The following VIT variants were observed in gnomAD, a reference collection of about 807,000 sequenced individuals.
VIT encodes vitrin.
In VIT, 99 loss-of-function variants were observed where a neutral mutation model predicts 78.0. That is an observed-to-expected ratio of 1.27 (90% CI 1.08 to 1.50). The LOEUF is 1.50. VIT is among the 40% of genes most tolerant of loss of function. VIT has a pLI of 0.00. For missense variants in VIT, 1,126 were observed against 875.3 expected (o/e 1.29, Z -3.61); for synonymous variants, 374 against 334.3 (o/e 1.12, Z -1.29).
rs1328875110 is a variant in VIT, at chr2:36,726,849, C to G, written c.53-2577C>G. Among the ~76,000 whole-genome samples, 3 of 139,004 alleles carry G rather than the reference C, an allele frequency of 2.2e-5. No homozygotes were observed. In the East Asian group the frequency reaches 6.2e-4, roughly 29 times the overall value. 91.2% of individuals were successfully genotyped at this position (139,004 alleles called of 152,430 possible). A position where few individuals can be genotyped will look rare whatever the true frequency, so the allele number is the denominator to read the frequency against. ...AAAAAAAAAAAAAAAAAAAACAAAACCTCAGAAGAGAGGCTGTCTGGGAAA... is the reference window on the plus strand; with the variant it reads ...AAAAAAAAAAAAAAAAAAAACAAAAGCTCAGAAGAGAGGCTGTCTGGGAAA... On this transcript the variant is annotated intron_variant, in intron 2 of 15. Transcript: ENST00000379242.
chr2:36,713,575 A>T (rs116075740), intron 1 of VIT, among the ~76,000 whole-genome samples: 1,677 of 152,262 alleles, frequency 0.011, 35 homozygotes, highest in African/African-American at 0.039. Context: ...AGGACAAAGG[A>T]AGAAGGGAAC....
At chr2:36,800,297 A>G (rs139752627) in intron 12 of VIT, among the ~76,000 whole-genome samples, 1,975 of 152,298 alleles carry the variant, frequency 0.013, 19 homozygotes, top group Non-Finnish European at 0.018. Flanking sequence ...GTGAGCTGAG[A>G]TCGCGCCACT....
At chr2:36,795,614 C>A (rs1222596436) in intron 12 of VIT, among the ~76,000 whole-genome samples, 1 of 151,954 alleles carries the variant, frequency 6.6e-6, no homozygotes, top group South Asian at 2.1e-4. Context: ...TGGGTTTCAT[C>A]ATATTGATCA....
intron 6 of VIT, among the ~76,000 whole-genome samples, chr2:36,765,424 A>AGAGAGG (rs1274036338): frequency 1.5e-5 from 2 of 135,608 alleles, no homozygotes; most frequent in East Asian, 4.3e-4. Flanking sequence ...CGAGAGAGAG[A>AGAGAGG]GAGAGAGAGA....
chr2:36,717,332 TAATG>T, intron 2 of VIT, among the ~76,000 whole-genome samples: 1 of 132,420 alleles, frequency 7.6e-6, no homozygotes, highest in South Asian at 2.6e-4. Context: ...CACGCCTGGC[TAATG>T]TGTGTGTGTG....
At position 36,808,939 on chromosome 2, in the gene VIT, G is replaced by A. The variant is rs142509173; in HGVS notation, c.1857G>A (p.Arg619=). ...RKLMILITDG[R]SYDDVRIPAM... ...TAATGATCCTCATCACCGACGGGAG[G>A]TCCTACGACGACGTCCGGATCCCAG... The change falls in exon 15 of 16, where the codon AGG becomes AGA. Residue 619 remains arginine (R), a synonymous_variant. Coordinates refer to ENST00000379242, the MANE Select transcript of VIT (RefSeq NM_053276.4). 6 of 1,609,672 alleles carry A rather than the reference G, an allele frequency of 3.7e-6. No homozygotes were observed. The African/African-American group carries it at 4.0e-5, about 11-fold the overall frequency.
chr2:36,799,009 A>G (rs981417275), intron 12 of VIT, among the ~76,000 whole-genome samples: 1 of 152,166 alleles, frequency 6.6e-6, no homozygotes. Flanking sequence ...AGTCCCAACC[A>G]TAGAACCTGG....
intron 7 of VIT, 135 bp from the exon 8 acceptor site, chr2:36,773,656 G>A (rs940134699): frequency 1.9e-5 from 12 of 642,332 alleles, no homozygotes; most frequent in African/African-American, 7.7e-5. Context: ...GCTTGAACCC[G>A]GAGGTTGCAG....
intron 3 of VIT, among the ~76,000 whole-genome samples, chr2:36,739,747 T>C (rs1366576391): frequency 6.6e-6 from 1 of 151,758 alleles, no homozygotes; most frequent in Non-Finnish European, 1.5e-5. Flanking sequence ...AGACGGTGGG[T>C]GGGTGGGGTC....
intron 15 of VIT, among the ~76,000 whole-genome samples, chr2:36,813,339 C>T (rs905066324): frequency 3.9e-5 from 6 of 152,042 alleles, no homozygotes; most frequent in Admixed American, 2.0e-4. Context: ...ATCCTAGCTA[C>T]TCGGGAGGCT....
chr2:36,810,951 T>C (rs1055158810), intron 15 of VIT, among the ~76,000 whole-genome samples: 2 of 152,226 alleles, frequency 1.3e-5, no homozygotes, highest in Non-Finnish European at 2.9e-5. Flanking sequence ...CTACATTTAA[T>C]TTCAGTTATT....
rs145692557 is a variant in VIT, at chr2:36,814,589, G to A, written c.*228G>A. 1 of 516,114 alleles carries A rather than the reference G, an allele frequency of 1.9e-6. No homozygotes were observed. The highest frequency in any genetic ancestry group is 3.3e-6 in the Non-Finnish European group (1 of 302,086). 32.0% of individuals were successfully genotyped at this position (516,114 alleles called of 1,614,324 possible). Reference sequence around the variant, plus strand: ...AGCCAAAAGGCTACATCATGTTGAGGGTGCTGGAGATTTTACATTTTGACA... The same window carrying A: ...AGCCAAAAGGCTACATCATGTTGAGAGTGCTGGAGATTTTACATTTTGACA... On this transcript the variant is annotated 3_prime_UTR_variant, in exon 16 of 16. Coordinates refer to ENST00000379242, the MANE Select transcript of VIT (RefSeq NM_053276.4).
chr2:36,770,318 G>T (rs1341533471), intron 7 of VIT, among the ~76,000 whole-genome samples: 1 of 152,204 alleles, frequency 6.6e-6, no homozygotes, highest in Non-Finnish European at 1.5e-5. Context: ...TGAGTCATTT[G>T]TACTCCACAA....
chr2:36,738,786 T>A (rs779763344), intron 3 of VIT, among the ~76,000 whole-genome samples: 21 of 152,240 alleles, frequency 1.4e-4, no homozygotes, highest in Non-Finnish European at 2.6e-4. Flanking sequence ...TTGGCAAGTA[T>A]TGGCAAGCCT....
chr2:36,731,931 T>C (rs535447508), intron 3 of VIT, among the ~76,000 whole-genome samples: 1 of 152,374 alleles, frequency 6.6e-6, no homozygotes, highest in East Asian at 1.9e-4. Flanking sequence ...TTTTTTCTTC[T>C]GCTCTTTTAA....
At chr2:36,718,075 C>T (rs1339139774) in intron 2 of VIT, among the ~76,000 whole-genome samples, 2 of 152,162 alleles carry the variant, frequency 1.3e-5, no homozygotes, top group Non-Finnish European at 2.9e-5. Context: ...TTTATAATGA[C>T]ATCAGTCATA....
At chr2:36,699,511 G>C (rs1372680692) in intron 1 of VIT, among the ~76,000 whole-genome samples, 1 of 62,664 alleles carries the variant, frequency 1.6e-5, no homozygotes, top group Non-Finnish European at 4.0e-5. Flanking sequence ...GACAATTAGA[G>C]GGGGTTATAT....
At chr2:36,732,519 CAA>C (rs1272752250) in intron 3 of VIT, among the ~76,000 whole-genome samples, 1 of 152,122 alleles carries the variant, frequency 6.6e-6, no homozygotes, top group Admixed American at 6.6e-5. Context: ...AGCTTGAGGC[CAA>C]AGTCATTTTC....
At chr2:36,724,265 T>C (rs1666701906) in intron 2 of VIT, among the ~76,000 whole-genome samples, 1 of 152,164 alleles carries the variant, frequency 6.6e-6, no homozygotes, top group Admixed American at 6.5e-5. Flanking sequence ...GAAGCATTGC[T>C]GAGAAGCATT....
Sources: allele counts gnomAD v4.1 joint callset (sites outside exome capture counted in the v4.1 genomes callset), GRCh38; gene constraint gnomAD v4.1.1; transcripts MANE v1.5; gene names NCBI Gene and HGNC (gene_info 2026-07-23, HGNC 2026-07-21).